SHISA5: variants seen among roughly 807,000 people sequenced by gnomAD.
The protein encoded by SHISA5 is protein shisa-5.
A neutral mutation model predicts 27.5 loss-of-function variants in SHISA5; 21 were observed. The observed-to-expected ratio is 0.76, with a 90% CI of 0.54 to 1.10. SHISA5 has a LOEUF of 1.10. Among genes scored for constraint, SHISA5 ranks in the 50% least tolerant of loss-of-function variants. SHISA5 has a pLI of 0.00. For synonymous variants in SHISA5, 137 were observed against 142.2 expected (o/e 0.96, Z 0.26); for missense variants, 314 against 336.3 (o/e 0.93, Z 0.52).
rs762102624 is a variant in SHISA5, at chr3:48,469,721, C to T, written c.430+7G>A. The T allele has an allele frequency of 7.6e-5, 122 of 1,613,754 alleles. No individual in the cohort carries two copies. The highest frequency in any genetic ancestry group is 8.3e-5 in the Admixed American group (5 of 59,934). ...GGGTCACAGTGGGGCAGGGTGGGCA[C>T]GCTTACGACGTGGTCGGCGGCACGT... On this transcript the variant is annotated splice_region_variant and intron_variant, in intron 4 of 5. Coordinates refer to ENST00000296444, the MANE Select transcript of SHISA5 (RefSeq NM_016479.6). The surrounding 1 kb of genome is among the most constrained non-coding windows in gnomAD (Gnocchi z 4.6).
rs189395131 is a variant in SHISA5 at position 48,468,630 on chromosome 3, C to T, written c.*477G>A. ...GCTCTGCAACGGGTACCCCCAACTC[C>T]GGGGACGAGCCATGGCCTCAAGCAG... is the stretch of plus-strand genomic sequence containing the variant. On this transcript the variant is annotated 3_prime_UTR_variant, in exon 6 of 6. Coordinates refer to ENST00000296444, the MANE Select transcript of SHISA5 (RefSeq NM_016479.6). 16 of 1,199,248 alleles carry T rather than the reference C, an allele frequency of 1.3e-5. No individual in the cohort carries two copies. Among genetic ancestry groups the T allele is most frequent in the African/African-American group, 1.6e-5 (1 of 62,932 alleles). The allele number at this position is 1,199,248 out of a possible 1,614,324, so 74.3% of individuals were successfully genotyped here. A position where few individuals can be genotyped will look rare whatever the true frequency, so the allele number is the denominator to read the frequency against.
intron 2 of SHISA5, among the ~76,000 whole-genome samples, chr3:48,492,640 A>T (rs2041468830): frequency 6.8e-6 from 1 of 147,918 alleles, no homozygotes; most frequent in Admixed American, 6.6e-5. Context: ...AAGGAAGCTG[A>T]GAAGCTGAAG....
intron 3 of SHISA5, among the ~76,000 whole-genome samples, chr3:48,475,415 T>C (rs2040790342): frequency 6.6e-6 from 1 of 151,314 alleles, no homozygotes; most frequent in South Asian, 2.1e-4. Context: ...TTGGGCAGGA[T>C]TGTAGGGTCT....
rs1164570233 is a variant in SHISA5, at chr3:48,468,135, G to A, written c.*972C>T. On this transcript the variant is annotated 3_prime_UTR_variant, in exon 6 of 6. Coordinates refer to ENST00000296444, the MANE Select transcript of SHISA5 (RefSeq NM_016479.6). ...TGCATATTCCATGAGGCTGGTGTCG[G>A]GAAGCAGGGACTCACAGTTGCCAGG... is the stretch of plus-strand genomic sequence containing the variant. 1.0e-6 allele frequency: 1 copy of A among 998,848 alleles called. No individual in the cohort carries two copies. Among genetic ancestry groups the A allele is most frequent in the East Asian group, 1.0e-4 (1 of 9,698 alleles). The allele number at this position is 998,848 out of a possible 1,614,324, so 61.9% of individuals were successfully genotyped here.
Position 48,469,560 on chromosome 3 carries a change from G to A in SHISA5, c.444C>T (p.Thr148=), listed in dbSNP as rs767970918. Residue 148 remains threonine (T), a synonymous_variant, in exon 5 of 6, where the codon ACC becomes ACT. Transcript: ENST00000296444. The surrounding 1 kb of genome is among the most constrained non-coding windows in gnomAD (Gnocchi z 4.6). The part of the protein sequence containing the change: ...TCRRPRPVVT[T]TTSTTVVHAP... The stretch of plus-strand genomic sequence containing the variant: ...CATGCACCACAGTGGTGGATGTGGT[G>A]GTGGTGACAACCGCTGCAAAGAGAA... 7.5e-6 allele frequency: 12 copies of A among 1,608,460 alleles called. No homozygotes were observed. Among genetic ancestry groups the A allele is most frequent in the Non-Finnish European group, 1.0e-5 (12 of 1,176,218 alleles).
At chr3:48,490,362 T>A (rs1331415922) in intron 2 of SHISA5, among the ~76,000 whole-genome samples, 1 of 152,252 alleles carries the variant, frequency 6.6e-6, no homozygotes, top group African/African-American at 2.4e-5. Flanking sequence ...TATGAGCCAC[T>A]GCACCTGGCC....
chr3:48,503,716 C>G, intron 1 of SHISA5: 3 of 1,192,600 alleles, frequency 2.5e-6, no homozygotes, highest in Non-Finnish European at 3.1e-6. Flanking sequence ...GGCAGGGAAC[C>G]CTACCCTAGC....
In SHISA5 at chr3:48,493,183, C is replaced by G. The variant is rs1230421104; in HGVS notation, c.233+7954G>C. On this transcript the variant is annotated intron_variant, in intron 2 of 5. Coordinates refer to ENST00000296444, the MANE Select transcript of SHISA5 (RefSeq NM_016479.6). ...GTGGCTTACACCTGTAATCCTAGCA[C>G]TTTGGGAGGCCAAGGTGGGCTGATC... Among the ~76,000 whole-genome samples, 2 of 147,570 alleles carry G rather than the reference C, an allele frequency of 1.4e-5. 1 individual carries two copies. Among genetic ancestry groups the G allele is most frequent in the African/African-American group, 5.4e-5 (2 of 37,348 alleles).
Position 48,468,812 on chromosome 3 carries a change from A to G in SHISA5, c.*295T>C. 2.7e-6 allele frequency: 4 copies of G among 1,458,192 alleles called. No homozygotes were observed. Among genetic ancestry groups the G allele is most frequent in the Non-Finnish European group, 3.6e-6 (4 of 1,097,168 alleles). 90.3% of individuals were successfully genotyped at this position (1,458,192 alleles called of 1,614,324 possible). On this transcript the variant is annotated 3_prime_UTR_variant, in exon 6 of 6. Transcript: ENST00000296444. The stretch of plus-strand genomic sequence containing the variant: ...CCCCACCTCTCAGGGGCCACCTCAC[A>G]GGGTGCCCCCCACCACCCCATTCTT...
rs780075912 is a variant in SHISA5 at position 48,469,329 on chromosome 3, C to T, written c.643+32G>A. ...GGATGCTGGCAGAGACTCGGGAAGT[C>T]GGGCAGGGCTAGAGTTGGCAGGGGC... On this transcript the variant is annotated intron_variant, in intron 5 of 5. Coordinates refer to ENST00000296444, the MANE Select transcript of SHISA5 (RefSeq NM_016479.6). The surrounding 1 kb of genome is among the most constrained non-coding windows in gnomAD (Gnocchi z 4.6). 21 of 1,568,350 alleles carry T rather than the reference C, an allele frequency of 1.3e-5. No individual in the cohort carries two copies. Among genetic ancestry groups the T allele is most frequent in the Middle Eastern group, 1.8e-4 (1 of 5,584 alleles).
At chr3:48,471,924 C>T (rs868808617) in intron 3 of SHISA5, among the ~76,000 whole-genome samples, 3 of 151,984 alleles carry the variant, frequency 2.0e-5, no homozygotes, top group East Asian at 1.9e-4. Flanking sequence ...ACTGGCCAGG[C>T]GCGGTGGCAA....
chr3:48,495,697 T>A (rs2107372059), intron 2 of SHISA5, among the ~76,000 whole-genome samples: 1 of 147,096 alleles, frequency 6.8e-6, no homozygotes, highest in African/African-American at 2.7e-5. Context: ...AATTTTTGTA[T>A]TTTTTAGTAG....
At chr3:48,479,061 C>G (rs1243344309) in intron 3 of SHISA5, 116 bp downstream of exon 3, 1 of 906,608 alleles carries the variant, frequency 1.1e-6, no homozygotes, top group East Asian at 2.6e-5. Flanking sequence ...GTGACAGTTT[C>G]TTGGGCTCCA....
chr3:48,502,330 G>T, intron 1 of SHISA5: 1 of 455,278 alleles, frequency 2.2e-6, no homozygotes, highest in Non-Finnish European at 4.4e-6. Context: ...CCATACCAGC[G>T]TTCATAAAGC....
rs1166459259 is a variant in SHISA5 at position 48,492,391 on chromosome 3, AC to A, written c.233+8745del. Among the ~76,000 whole-genome samples, 2 of 148,406 alleles carry A rather than the reference AC, an allele frequency of 1.3e-5. 1 individual carries two copies. The highest frequency in any genetic ancestry group is 5.2e-5 in the African/African-American group (2 of 38,154). On this transcript the variant is annotated intron_variant, in intron 2 of 5. Transcript: ENST00000296444. ...AGGCTGAGGCAGGAGAATGGCGTGA[AC>A]CCGGGAGGCGGAGCTTGCAGTGAGC...
At chr3:48,488,700 G>T (rs571186943) in intron 2 of SHISA5, among the ~76,000 whole-genome samples, 15 of 151,468 alleles carry the variant, frequency 9.9e-5, no homozygotes, top group African/African-American at 3.1e-4. Flanking sequence ...GTGCGTGGTG[G>T]CACATGCCTG....
At chr3:48,472,439 T>C (rs1575304700) in intron 3 of SHISA5, among the ~76,000 whole-genome samples, 1 of 152,290 alleles carries the variant, frequency 6.6e-6, no homozygotes, top group South Asian at 2.1e-4. Context: ...GAGGTTGCAG[T>C]GAGCAGAGAT....
chr3:48,477,832 C>T (rs1430474594), intron 3 of SHISA5, among the ~76,000 whole-genome samples: 3 of 152,214 alleles, frequency 2.0e-5, no homozygotes, highest in Admixed American at 2.0e-4. Flanking sequence ...TCTCCATCCT[C>T]ACCTCTTGCC....
chr3:48,471,053 G>A (rs151283795), intron 3 of SHISA5, among the ~76,000 whole-genome samples: 2,504 of 151,910 alleles, frequency 0.016, 61 homozygotes, highest in African/African-American at 0.053. Context: ...TTTGAGACAG[G>A]GTCTCACTCT....
Sources: allele counts gnomAD v4.1 joint callset (sites outside exome capture counted in the v4.1 genomes callset), GRCh38; gene constraint gnomAD v4.1.1; non-coding constraint Gnocchi (gnomAD v3.1); transcripts MANE v1.5; gene names NCBI Gene and HGNC (gene_info 2026-07-23, HGNC 2026-07-21).